The following PTK2 variants were observed in gnomAD, a reference collection of about 807,000 sequenced individuals.
PTK2 encodes the protein protein tyrosine kinase 2.
Under a neutral mutation model 150.1 loss-of-function variants are expected in PTK2, and 45 were observed. The observed-to-expected ratio is 0.30, with a 90% CI of 0.24 to 0.38. PTK2 has a LOEUF of 0.38. Among genes scored for constraint, PTK2 ranks in the 10% least tolerant of loss-of-function variants. The pLI is 1.00. For synonymous variants in PTK2, 432 were observed against 449.2 expected (o/e 0.96, Z 0.48); for missense variants, 919 against 1,307.3 (o/e 0.70, Z 4.58).
intron 15 of PTK2, among the ~76,000 whole-genome samples, chr8:140,762,656 T>C (rs1270615187): frequency 2.6e-5 from 4 of 152,234 alleles, no homozygotes; most frequent in Non-Finnish European, 5.9e-5. Context: ...ATGAAAGCCA[T>C]GTTGGACATT....
chr8:140,735,939 T>G (rs1313842409), intron 21 of PTK2, among the ~76,000 whole-genome samples: 1 of 152,150 alleles, frequency 6.6e-6, no homozygotes, highest in Non-Finnish European at 1.5e-5. Flanking sequence ...TTGTCTAGAG[T>G]GCATAAAGGC....
At chr8:140,869,113 GC>G (rs1171984075) in intron 4 of PTK2, among the ~76,000 whole-genome samples, 1 of 120,164 alleles carries the variant, frequency 8.3e-6, no homozygotes, top group Non-Finnish European at 1.7e-5. Context: ...ACAAACACCC[GC>G]CCCCGCCCCC....
rs1348566985 is a variant in PTK2 at position 140,770,701 on chromosome 8, A to G, written c.1178-6411T>C. On this transcript the variant is annotated intron_variant, in intron 14 of 31. Coordinates refer to ENST00000522684, the Ensembl canonical transcript of PTK2. ...CTGGTTAATAGGAGAGCCTGTGCAA[A>G]TATGAGTGCAGTACCCGTAGAAGGA... The G allele has an allele frequency of 1.6e-6, 2 of 1,280,594 alleles. No individual in the cohort carries two copies. The highest frequency in any genetic ancestry group is 4.4e-5 in the Admixed American group (2 of 45,492). 79.3% of individuals were successfully genotyped at this position (1,280,594 alleles called of 1,614,324 possible). A position where few individuals can be genotyped will look rare whatever the true frequency, so the allele number is the denominator to read the frequency against.
chr8:140,863,805 T>C (rs1177934051), intron 5 of PTK2, among the ~76,000 whole-genome samples: 1 of 152,242 alleles, frequency 6.6e-6, no homozygotes, highest in Non-Finnish European at 1.5e-5. Flanking sequence ...GAATAGTTAG[T>C]TAATAAATAT....
chr8:140,765,341 C>T (rs2100071718), intron 14 of PTK2: 1 of 152,048 alleles, frequency 6.6e-6, no homozygotes. Context: ...GTACAGAATT[C>T]AAAGCAAATA....
chr8:140,902,924 G>GTT lies in PTK2; in HGVS notation c.-32-12157_-32-12156dup, dbSNP rs61261890. 2.2e-4 allele frequency among the ~76,000 whole-genome samples: 13 copies of GTT among 58,950 alleles called. 1 individual carries two copies. Among genetic ancestry groups the GTT allele is most frequent in the African/African-American group, 4.9e-4 (10 of 20,526 alleles). The allele number at this position is 58,950 out of a possible 152,430, so 38.7% of individuals were successfully genotyped here. A position where few individuals can be genotyped will look rare whatever the true frequency, so the allele number is the denominator to read the frequency against. ...TTGCCTGTTCACTCTGATGAGAGTT[G>GTT]TTTTTTTTTTTTTTTTTTTTTTTTT... On this transcript the variant is annotated intron_variant, in intron 2 of 31. Transcript: ENST00000522684.
At chr8:140,822,629 AG>A (rs901637637) in intron 8 of PTK2, among the ~76,000 whole-genome samples, 1 of 152,200 alleles carries the variant, frequency 6.6e-6, no homozygotes, top group Non-Finnish European at 1.5e-5. Context: ...TCTGCTTGAT[AG>A]AAGAAACCAG....
chr8:140,849,113 A>T (rs934937045), intron 5 of PTK2, among the ~76,000 whole-genome samples: 4 of 152,226 alleles, frequency 2.6e-5, no homozygotes, highest in Non-Finnish European at 5.9e-5. Flanking sequence ...TGTTTTTCCT[A>T]TAGCTTTAAT....
At chr8:140,663,862 G>C (rs2084907741) in intron 31 of PTK2, among the ~76,000 whole-genome samples, 1 of 151,952 alleles carries the variant, frequency 6.6e-6, no homozygotes, top group Non-Finnish European at 1.5e-5. Flanking sequence ...TCGCTTTGTT[G>C]CCCAGGCTGG....
intron 1 of PTK2, among the ~76,000 whole-genome samples, chr8:140,985,859 GC>G (rs1489381718): frequency 6.6e-6 from 1 of 152,208 alleles, no homozygotes; most frequent in African/African-American, 2.4e-5. Context: ...TACTCAGTGT[GC>G]CACAGATTCA....
rs960991676 is a variant in PTK2, at chr8:140,984,620, G to C, written c.-122+16505C>G. 8.5e-5 allele frequency among the ~76,000 whole-genome samples: 13 copies of C among 152,224 alleles called. No homozygotes were observed. The East Asian group carries it at 2.5e-3, about 29-fold the overall frequency. On this transcript the variant is annotated intron_variant, in intron 1 of 31. Transcript: ENST00000522684. ...AAATACATATCCTAGAACGGTTAAA[G>C]GGAGCTTTCATCTCTTCTGCTTGCT...
intron 7 of PTK2, among the ~76,000 whole-genome samples, chr8:140,836,018 G>T (rs1225635019): frequency 6.6e-6 from 1 of 152,052 alleles, no homozygotes; most frequent in African/African-American, 2.4e-5. Flanking sequence ...CTGAGCTGCT[G>T]GGATAGGGTC....
intron 1 of PTK2, among the ~76,000 whole-genome samples, chr8:140,985,052 A>G (rs909994870): frequency 2.0e-5 from 3 of 152,238 alleles, no homozygotes; most frequent in African/African-American, 7.2e-5. Context: ...TAATAACATT[A>G]TATTACCAGT....
intron 4 of PTK2, 80 bp downstream of exon 4, chr8:140,879,391 T>A (rs749829991): frequency 3.0e-4 from 414 of 1,384,868 alleles, no homozygotes; most frequent in Non-Finnish European, 3.8e-4. Context: ...ATTAAACATA[T>A]ACATTTGTTA....
At position 140,735,531 on chromosome 8, in the gene PTK2, C is replaced by A. The variant is rs140437248; in HGVS notation, c.1826-76G>T. ...ACTCCCAGGTTCCAGGAACATTGTT[C>A]TTCTAGGCACTCGAGTACCAGCTGG... On this transcript the variant is annotated intron_variant, in intron 21 of 31. Coordinates refer to ENST00000522684, the Ensembl canonical transcript of PTK2. 1.4e-4 allele frequency: 202 copies of A among 1,444,482 alleles called. 1 individual carries two copies. In the African/African-American group the frequency reaches 2.0e-3, roughly 14 times the overall value. The allele number at this position is 1,444,482 out of a possible 1,614,324, so 89.5% of individuals were successfully genotyped here.
intron 1 of PTK2, among the ~76,000 whole-genome samples, chr8:140,979,949 T>C (rs949052484): frequency 2.0e-5 from 3 of 152,192 alleles, no homozygotes; most frequent in African/African-American, 4.8e-5. Flanking sequence ...ATCAGTAGCG[T>C]GAAAACAAAC....
At chr8:140,949,826 G>A (rs891921443) in intron 1 of PTK2, among the ~76,000 whole-genome samples, 1 of 152,180 alleles carries the variant, frequency 6.6e-6, no homozygotes, top group Non-Finnish European at 1.5e-5. Flanking sequence ...TTCAAGCCAG[G>A]GACAGCCTTG....
chr8:140,762,412 A>G (rs1413406396), intron 15 of PTK2, 24 bp from the exon 18 acceptor site: 3 of 1,126,388 alleles, frequency 2.7e-6, no homozygotes. Flanking sequence ...AAGAGAGAAA[A>G]AAATTGAAGA....
rs142554525 is a variant in PTK2 at position 140,935,649 on chromosome 8, GTTT to G, written c.-121-9903_-121-9901del. Among the ~76,000 whole-genome samples, 1,085 of 149,204 alleles carry G rather than the reference GTTT, an allele frequency of 7.3e-3. 3 individuals are homozygous for G. Among genetic ancestry groups the G allele is most frequent in the Non-Finnish European group, 0.013 (857 of 67,374 alleles). ...GTTATTTGAAACCAATAAAATGAAA[GTTT>G]TTTTCCTAATGCGCTGTTCATGTAA... is the stretch of plus-strand genomic sequence containing the variant. On this transcript the variant is annotated intron_variant, in intron 1 of 31. Coordinates refer to ENST00000522684, the Ensembl canonical transcript of PTK2.
Sources: gnomAD v4.1 joint callset for allele counts (sites outside exome capture counted in the v4.1 genomes callset) on GRCh38, gnomAD v4.1.1 for gene constraint, MANE v1.5 for transcripts, NCBI Gene and HGNC (gene_info 2026-07-23, HGNC 2026-07-21) for gene names.